ADCY9: variants seen among roughly 807,000 people sequenced by gnomAD.
ADCY9 encodes the protein adenylate cyclase 9.
In ADCY9, 50 loss-of-function variants were observed where a neutral mutation model predicts 101.5. The observed-to-expected ratio is 0.49, with a 90% CI of 0.39 to 0.62. The LOEUF (loss-of-function observed/expected upper bound fraction) is 0.62. ADCY9 is among the 20% of genes least tolerant of loss of function. The pLI is 0.00. For missense variants in ADCY9, 1,662 were observed against 1,800.4 expected (o/e 0.92, Z 1.39); for synonymous variants, 905 against 769.3 (o/e 1.18, Z -2.92).
chr16:3,978,045 A>G (rs2056107836), intron 8 of ADCY9, among the ~76,000 whole-genome samples: 2 of 152,252 alleles, frequency 1.3e-5, no homozygotes, highest in African/African-American at 2.4e-5. Context: ...TAACCTAAAA[A>G]TATCACCGAT....
At position 4,115,554 on chromosome 16, in the gene ADCY9, G is replaced by T; in HGVS notation, c.-43-69C>A. 7.5e-7 allele frequency: 1 copy of T among 1,329,198 alleles called. No individual in the cohort carries two copies. The highest frequency in any genetic ancestry group is 1.0e-6 in the Non-Finnish European group (1 of 1,001,054). The allele number at this position is 1,329,198 out of a possible 1,614,324, so 82.3% of individuals were successfully genotyped here. A position where few individuals can be genotyped will look rare whatever the true frequency, so the allele number is the denominator to read the frequency against. ...ATGCACGCCTAGAGGCCCGGGACCT[G>T]CTCCTGTCCTAAGGGGCGGCTCCAG... On this transcript the variant is annotated intron_variant, in intron 1 of 10. Coordinates refer to ENST00000294016, the MANE Select transcript of ADCY9 (RefSeq NM_001116.4). The surrounding 1 kb of genome is among the most constrained non-coding windows in gnomAD (Gnocchi z 6.2).
chr16:3,993,849 T>A (rs755479044), intron 3 of ADCY9, among the ~76,000 whole-genome samples: 1 of 152,072 alleles, frequency 6.6e-6, no homozygotes, highest in Non-Finnish European at 1.5e-5. Context: ...ATGGTGAACC[T>A]CGAAAACATT....
chr16:3,978,687 G>T (rs969162335), intron 8 of ADCY9, among the ~76,000 whole-genome samples: 2 of 152,200 alleles, frequency 1.3e-5, no homozygotes, highest in African/African-American at 4.8e-5. Context: ...GAGTAAAAGA[G>T]TTCGTGCCTC....
Position 4,114,498 on chromosome 16 carries a change from T to C in ADCY9, c.945A>G (p.Gln315=). ...CCAGGTCCTTCCCGTGCATAATGGA[T>C]TGCCCCACCTTGAGGAAGGTGCTCC... ...RSRSTFLKVG[Q]SIMHGKDLEV... Residue 315 remains glutamine (Q), a synonymous_variant, in exon 2 of 11, where the codon CAA becomes CAG. Transcript: ENST00000294016. The surrounding 1 kb of genome is among the most constrained non-coding windows in gnomAD (Gnocchi z 4.3). 2 of 1,614,166 alleles carry C rather than the reference T, an allele frequency of 1.2e-6. No individual in the cohort carries two copies. Among genetic ancestry groups the C allele is most frequent in the Non-Finnish European group, 8.5e-7 (1 of 1,180,034 alleles).
chr16:4,075,523 G>C (rs1191185337), intron 2 of ADCY9, among the ~76,000 whole-genome samples: 1 of 152,150 alleles, frequency 6.6e-6, no homozygotes, highest in African/African-American at 2.4e-5. Context: ...AGCAGAAGAG[G>C]TAAGGGAAAA....
chr16:4,033,780 A>G (rs1351714366), intron 2 of ADCY9, among the ~76,000 whole-genome samples: 1 of 152,168 alleles, frequency 6.6e-6, no homozygotes, highest in Non-Finnish European at 1.5e-5. Context: ...TCAGATCCCA[A>G]TTCCTGTGAA....
chr16:4,110,072 C>T (rs927420988), intron 2 of ADCY9, among the ~76,000 whole-genome samples: 1 of 152,206 alleles, frequency 6.6e-6, no homozygotes, highest in African/African-American at 2.4e-5. Flanking sequence ...CCAGCTCCAG[C>T]AGGAGCCCCC....
chr16:4,105,731 T>C (rs962326807), intron 2 of ADCY9, among the ~76,000 whole-genome samples: 1 of 150,398 alleles, frequency 6.6e-6, no homozygotes, highest in Non-Finnish European at 1.5e-5. Context: ...GCCTGTGTCC[T>C]AGCTACTGAA....
rs144676138 is a variant in ADCY9 at position 4,051,081 on chromosome 16, C to G, written c.1694-43523G>C. Among the ~76,000 whole-genome samples the G allele has an allele frequency of 3.4e-4, 51 of 152,028 alleles. 1 individual carries two copies. The Middle Eastern group carries it at 0.01, about 30-fold the overall frequency. On this transcript the variant is annotated intron_variant, in intron 2 of 10. Coordinates refer to ENST00000294016, the MANE Select transcript of ADCY9 (RefSeq NM_001116.4). The stretch of plus-strand genomic sequence containing the variant: ...TACAAAAATTAGCTGGGTGTGGTGG[C>G]GCACGCCTGTAATCCCAGCTACATG...
At chr16:4,086,431 C>G (rs540383123) in intron 2 of ADCY9, among the ~76,000 whole-genome samples, 1 of 152,120 alleles carries the variant, frequency 6.6e-6, no homozygotes, top group East Asian at 1.9e-4. Flanking sequence ...GAAGGACAAG[C>G]GCACGCTCCG....
chr16:3,977,453 G>A, intron 9 of ADCY9, 29 bp downstream of exon 9: 1 of 1,541,894 alleles, frequency 6.5e-7, no homozygotes. Flanking sequence ...CACGCACCCT[G>A]GTGCCCGCAA....
At chr16:4,044,262 G>T (rs908588321) in intron 2 of ADCY9, among the ~76,000 whole-genome samples, 1 of 151,910 alleles carries the variant, frequency 6.6e-6, no homozygotes, top group Non-Finnish European at 1.5e-5. Flanking sequence ...CAGGAGAATC[G>T]CTTGAACCCA....
intron 3 of ADCY9, among the ~76,000 whole-genome samples, chr16:4,003,989 G>C (rs1421757174): frequency 6.6e-6 from 1 of 151,860 alleles, no homozygotes; most frequent in African/African-American, 2.4e-5. Flanking sequence ...AGGCACAGTG[G>C]CTCATGACTG....
intron 2 of ADCY9, among the ~76,000 whole-genome samples, chr16:4,016,437 T>C (rs2056439144): frequency 6.6e-6 from 1 of 151,748 alleles, no homozygotes; most frequent in Admixed American, 6.6e-5. Context: ...GGGAGGGGGA[T>C]AGGTCACGTC....
chr16:3,985,835 C>A (rs376905435), intron 6 of ADCY9, among the ~76,000 whole-genome samples: 10 of 152,286 alleles, frequency 6.6e-5, no homozygotes, highest in East Asian at 3.9e-4. Flanking sequence ...ACAGCCTCCC[C>A]CTCTGGGCCA....
Position 4,114,183 on chromosome 16 carries a change from G to C in ADCY9, c.1260C>G (p.Asn420Lys). 6.2e-7 allele frequency: 1 copy of C among 1,613,932 alleles called. No homozygotes were observed. Among genetic ancestry groups the C allele is most frequent in the Non-Finnish European group, 8.5e-7 (1 of 1,180,028 alleles). Residue 420 changes from asparagine to lysine, a missense_variant, in exon 2 of 11, where the codon AAC becomes AAG. Transcript: ENST00000294016. The surrounding 1 kb of genome is among the most constrained non-coding windows in gnomAD (Gnocchi z 4.3). ...KSAHALVGLLNDLFGRFDRLC... is the reference protein window; with the variant it reads ...KSAHALVGLLKDLFGRFDRLC... ...GGCGGTCGAAGCGACCGAACAGATC[G>C]TTCAGGAGACCCACCAGGGCGTGGG...
At chr16:3,978,997 G>C (rs1424782018) in intron 8 of ADCY9, 119 bp downstream of exon 8, 1 of 1,331,532 alleles carries the variant, frequency 7.5e-7, no homozygotes, top group African/African-American at 1.4e-5. Flanking sequence ...TTACAGGCGT[G>C]AGCCACCATG....
intron 2 of ADCY9, among the ~76,000 whole-genome samples, chr16:4,097,553 A>ATATATATATATATATATATATATTTTTTT (rs1382458827): frequency 1.9e-5 from 1 of 53,416 alleles, no homozygotes; most frequent in African/African-American, 8.6e-5. Flanking sequence ...ATATATATAT[A>ATATATATATATATATATATATATTTTTTT]TTTTTTTTTT....
At chr16:4,003,716 C>T (rs2056347716) in intron 3 of ADCY9, among the ~76,000 whole-genome samples, 1 of 152,028 alleles carries the variant, frequency 6.6e-6, no homozygotes, top group African/African-American at 2.4e-5. Flanking sequence ...AGGCATGAGC[C>T]ACTGCACCTG....
Sources: gnomAD v4.1 joint callset for allele counts (sites outside exome capture counted in the v4.1 genomes callset) on GRCh38, gnomAD v4.1.1 for gene constraint, Gnocchi (gnomAD v3.1) non-coding constraint, MANE v1.5 for transcripts, NCBI Gene and HGNC (gene_info 2026-07-23, HGNC 2026-07-21) for gene names.